Variants in CDH23 observed in about 807,000 individuals in gnomAD.
CDH23 encodes the protein cadherin-23.
A neutral mutation model predicts 317.1 loss-of-function variants in CDH23; 189 were observed. That is an observed-to-expected ratio of 0.60 (90% CI 0.53 to 0.67). The LOEUF is 0.67. Ranked by LOEUF, CDH23 falls within the 30% of genes least tolerant of loss-of-function variation. The pLI is 0.00. For synonymous variants in CDH23, 1,839 were observed against 1,876.8 expected (o/e 0.98, Z 0.52); for missense variants, 4,401 against 4,592.4 (o/e 0.96, Z 1.20).
rs1270566026 is a variant in CDH23, at chr10:71,793,272, G to A, written c.6344G>A (p.Arg2115His). 3.0e-5 allele frequency: 49 copies of A among 1,613,802 alleles called. No homozygotes were observed. Among genetic ancestry groups the A allele is most frequent in the Non-Finnish European group, 3.8e-5 (45 of 1,179,872 alleles). ...CGAATAGAAGCTGGGGCTCAGGACC[G>A]CTTCCTCATTCATCTGGTCACCGGG... ...VYRIEAGAQD[R>H]FLIHLVTGVI... Residue 2115 changes from arginine to histidine, a missense_variant, in exon 48 of 70, where the codon CGC (arginine) becomes CAC (histidine). Arg to His is a conservative substitution (Grantham distance 29, BLOSUM62 0). Transcript: ENST00000224721.
intron 6 of CDH23, among the ~76,000 whole-genome samples, chr10:71,524,490 G>GC (rs1208290047): frequency 6.6e-6 from 1 of 152,212 alleles, no homozygotes; most frequent in African/African-American, 2.4e-5. Context: ...GGGGCAAAAG[G>GC]AGGATGCCTT....
Position 71,812,557 on chromosome 10 carries a change from C to T in CDH23, c.9458C>T (p.Pro3153Leu), listed in dbSNP as rs762930029. The T allele has an allele frequency of 6.8e-6, 11 of 1,613,922 alleles. No individual in the cohort carries two copies. Among genetic ancestry groups the T allele is most frequent in the Middle Eastern group, 1.6e-4 (1 of 6,062 alleles). The part of the protein sequence containing the change: ...AAQAEHEDDL[P>L]ENLSEIADLW... Reference sequence around the variant, plus strand: ...CAGGCGGAGCATGAGGATGACCTACCGGAGAACCTGAGTGAGATCGCCGAC... The same window carrying T: ...CAGGCGGAGCATGAGGATGACCTACTGGAGAACCTGAGTGAGATCGCCGAC... Residue 3153 changes from proline to leucine, a missense_variant, in exon 67 of 70, where the codon CCG becomes CTG. Transcript: ENST00000224721.
At chr10:71,612,485 C>T (rs1341644423) in intron 9 of CDH23, among the ~76,000 whole-genome samples, 3 of 152,072 alleles carry the variant, frequency 2.0e-5, no homozygotes, top group South Asian at 2.1e-4. Flanking sequence ...AATGAAAGCA[C>T]GTCATTCAAC....
intron 7 of CDH23, among the ~76,000 whole-genome samples, chr10:71,567,941 C>T (rs189743075): frequency 1.2e-3 from 184 of 152,382 alleles, no homozygotes; most frequent in African/African-American, 4.1e-3. Flanking sequence ...TCCTGACCCA[C>T]ATAGCTGTCA....
intron 14 of CDH23, among the ~76,000 whole-genome samples, chr10:71,672,668 C>T (rs925918299): frequency 6.6e-6 from 1 of 152,174 alleles, no homozygotes; most frequent in African/African-American, 2.4e-5. Flanking sequence ...GCAGGGGAGG[C>T]CAAGCCTTGC....
At position 71,799,291 on chromosome 10, in the gene CDH23, A is replaced by G; in HGVS notation, c.7224+11A>G. 1 of 1,614,016 alleles carries G rather than the reference A, an allele frequency of 6.2e-7. No homozygotes were observed. The highest frequency in any genetic ancestry group is 8.5e-7 in the Non-Finnish European group (1 of 1,179,860). ...CAGCCCTCCTACCAGGTGGGTGGCC[A>G]GGCCACAGGCTGGGTCCAGGACCTG... On this transcript the variant is annotated intron_variant, in intron 51 of 69. Transcript: ENST00000224721.
chr10:71,546,717 G>C (rs371137323), intron 6 of CDH23, among the ~76,000 whole-genome samples: 2 of 152,224 alleles, frequency 1.3e-5, no homozygotes, highest in Admixed American at 6.5e-5. Context: ...AGATCCACAG[G>C]TACCAGATTC....
intron 9 of CDH23, among the ~76,000 whole-genome samples, chr10:71,604,482 G>A (rs879004129): frequency 2.0e-5 from 3 of 152,026 alleles, no homozygotes; most frequent in South Asian, 2.1e-4. Flanking sequence ...CCATGCCCTC[G>A]TCACCAGCAG....
chr10:71,787,329 T>TA, intron 44 of CDH23, among the ~76,000 whole-genome samples: 1 of 151,278 alleles, frequency 6.6e-6, no homozygotes, highest in East Asian at 1.9e-4. Flanking sequence ...ATTTTTTTTT[T>TA]TTTTTTTTTT....
Position 71,797,153 on chromosome 10 carries a change from T to C in CDH23, c.6762T>C (p.Tyr2254=), listed in dbSNP as rs1230760583. ...SPMNRELVAT[Y]EVTLSVIDNA... is the part of the protein sequence containing the mutation. ...TGAATCGGGAGCTGGTTGCCACCTA[T>C]GAGGTCACTCTCTCAGTGATTGACA... The change falls in exon 49 of 70, where the codon TAT becomes TAC. Residue 2254 remains tyrosine, a synonymous_variant. Coordinates refer to ENST00000224721, the MANE Select transcript of CDH23 (RefSeq NM_022124.6). 6.2e-7 allele frequency: 1 copy of C among 1,613,568 alleles called. No homozygotes were observed. Among genetic ancestry groups the C allele is most frequent in the Non-Finnish European group, 8.5e-7 (1 of 1,179,770 alleles).
chr10:71,427,582 T>C (rs1849162530), intron 1 of CDH23, among the ~76,000 whole-genome samples: 1 of 152,238 alleles, frequency 6.6e-6, no homozygotes, highest in South Asian at 2.1e-4. Context: ...TTTGTTTTCA[T>C]GTTTTGGCTA....
intron 28 of CDH23, among the ~76,000 whole-genome samples, chr10:71,722,795 A>G (rs905981147): frequency 1.3e-5 from 2 of 152,220 alleles, no homozygotes; most frequent in African/African-American, 4.8e-5. Context: ...CCAGGGCAGA[A>G]GCCATGAGGC....
At chr10:71,765,497 T>A (rs549153030) in intron 38 of CDH23, among the ~76,000 whole-genome samples, 6 of 152,218 alleles carry the variant, frequency 3.9e-5, no homozygotes, top group Admixed American at 1.3e-4. Flanking sequence ...GGCCTGAGTG[T>A]CCCTGTGAAC....
At chr10:71,560,103 C>G (rs979656095) in intron 6 of CDH23, among the ~76,000 whole-genome samples, 1 of 152,224 alleles carries the variant, frequency 6.6e-6, no homozygotes. Flanking sequence ...TCCTCCATCA[C>G]TGCTCCCCCA....
intron 3 of CDH23, among the ~76,000 whole-genome samples, chr10:71,490,919 T>G (rs1451379604): frequency 6.6e-6 from 1 of 152,056 alleles, no homozygotes; most frequent in Non-Finnish European, 1.5e-5. Flanking sequence ...CAAATCTAGC[T>G]GCAGAGCCCA....
intron 1 of CDH23, among the ~76,000 whole-genome samples, chr10:71,399,077 A>T (rs1294358714): frequency 6.6e-6 from 1 of 152,220 alleles, no homozygotes. Flanking sequence ...TCAACAAGCT[A>T]CCTTACCTGC....
chr10:71,462,181 C>T (rs925185406), intron 3 of CDH23, among the ~76,000 whole-genome samples: 4 of 152,224 alleles, frequency 2.6e-5, no homozygotes, highest in African/African-American at 4.8e-5. Flanking sequence ...AAGGCAGGCC[C>T]GGGAGGCGAG....
chr10:71,604,775 G>A (rs1211988818), intron 9 of CDH23, among the ~76,000 whole-genome samples: 3 of 152,238 alleles, frequency 2.0e-5, no homozygotes, highest in Admixed American at 2.0e-4. Flanking sequence ...GCCCTCAGCA[G>A]GACTGGGCCC....
At chr10:71,583,889 C>G (rs1473738583) in intron 9 of CDH23, among the ~76,000 whole-genome samples, 12 of 152,162 alleles carry the variant, frequency 7.9e-5, no homozygotes, top group Admixed American at 7.8e-4. Context: ...GATTTGAACC[C>G]AAGTCCCTCG....
Sources: allele counts gnomAD v4.1 joint callset (sites outside exome capture counted in the v4.1 genomes callset), GRCh38; gene constraint gnomAD v4.1.1; transcripts MANE v1.5; gene names NCBI Gene and HGNC (gene_info 2026-07-23, HGNC 2026-07-21).